NAPG: variants seen among roughly 807,000 people sequenced by gnomAD.
NAPG encodes gamma-soluble NSF attachment protein.
NAPG carries 25 observed loss-of-function variants against 48.4 expected under a neutral mutation model. The ratio of observed to expected loss-of-function variants is 0.52; its 90% CI spans 0.38 to 0.72. The LOEUF is 0.72. Ranked by LOEUF, NAPG falls within the 30% of genes least tolerant of loss-of-function variation. The pLI is 0.00. For missense variants in NAPG, 359 were observed against 372.5 expected (o/e 0.96, Z 0.30); for synonymous variants, 139 against 127.2 (o/e 1.09, Z -0.62).
In NAPG at chr18:10,543,771, T is replaced by C. The variant is rs1327605288; in HGVS notation, c.507-2555T>C. Among the ~76,000 whole-genome samples the C allele has an allele frequency of 6.6e-6, 1 of 152,246 alleles. No homozygotes were observed. The highest frequency in any genetic ancestry group is 2.4e-5 in the African/African-American group (1 of 41,468). ...TCATTTTGTTAGGAATATTAAGTAT[T>C]ACCTGATGGAAAAGTTGAAAGCATC... On this transcript the variant is annotated intron_variant, in intron 8 of 11. Transcript: ENST00000322897. This position sits in a 1 kb window ranked among gnomAD's most constrained non-coding sequence, Gnocchi z 4.4.
At chr18:10,547,190 C>A (rs2032286845) in intron 9 of NAPG, among the ~76,000 whole-genome samples, 1 of 152,204 alleles carries the variant, frequency 6.6e-6, no homozygotes, top group Admixed American at 6.5e-5. Flanking sequence ...ATGGAACAGG[C>A]CCAAAGCCAC....
At position 10,548,593 on chromosome 18, in the gene NAPG, A is replaced by T. The variant is rs1352617346; in HGVS notation, c.665+215A>T. On this transcript the variant is annotated intron_variant, in intron 10 of 11. Transcript: ENST00000322897. This position sits in a 1 kb window ranked among gnomAD's most constrained non-coding sequence, Gnocchi z 4.4. ...TCTCTAGGGGACCTCCATGGAAGTG[A>T]ATGACTTTAGTCATTTTAGTCATTT... Among the ~76,000 whole-genome samples, 3 of 151,316 alleles carry T rather than the reference A, an allele frequency of 2.0e-5. No homozygotes were observed. The highest frequency in any genetic ancestry group is 2.0e-4 in the Admixed American group (3 of 15,180).
Position 10,546,916 on chromosome 18 carries a change from G to A in NAPG, c.585+512G>A, listed in dbSNP as rs1393671810. 6.6e-6 allele frequency among the ~76,000 whole-genome samples: 1 copy of A among 152,188 alleles called. No individual in the cohort carries two copies. Among genetic ancestry groups the A allele is most frequent in the African/African-American group, 2.4e-5 (1 of 41,454 alleles). ...AGGCATGGAGCTACACTGTGATGAT[G>A]GCTCAGGTTGATAAAACTCCACAAG... On this transcript the variant is annotated intron_variant, in intron 9 of 11. Transcript: ENST00000322897. The surrounding 1 kb of genome is among the most constrained non-coding windows in gnomAD (Gnocchi z 4.0).
At position 10,530,763 on chromosome 18, in the gene NAPG, A is replaced by G; in HGVS notation, c.57-7A>G. ...AACTCCTGTTAACTGTGTTTTTTTCATTCTAGCCTGAAAACTGGTTTTTTA... is the reference window on the plus strand; with the variant it reads ...AACTCCTGTTAACTGTGTTTTTTTCGTTCTAGCCTGAAAACTGGTTTTTTA... On this transcript the variant is annotated splice_polypyrimidine_tract_variant and splice_region_variant and intron_variant, in intron 1 of 11. Coordinates refer to ENST00000322897, the MANE Select transcript of NAPG (RefSeq NM_003826.3). The G allele has an allele frequency of 2.6e-6, 4 of 1,548,084 alleles. No individual in the cohort carries two copies. Among genetic ancestry groups the G allele is most frequent in the Non-Finnish European group, 3.5e-6 (4 of 1,146,878 alleles).
chr18:10,533,892 G>A (rs1453888686), intron 4 of NAPG, among the ~76,000 whole-genome samples: 1 of 152,156 alleles, frequency 6.6e-6, no homozygotes, highest in Non-Finnish European at 1.5e-5. Context: ...GCCTTGTGGA[G>A]AGTAGTTATT....
chr18:10,539,653 C>A lies in NAPG; in HGVS notation c.259-109C>A. On this transcript the variant is annotated intron_variant, in intron 5 of 11. Coordinates refer to ENST00000322897, the MANE Select transcript of NAPG (RefSeq NM_003826.3). This position sits in a 1 kb window ranked among gnomAD's most constrained non-coding sequence, Gnocchi z 4.7. ...ATGTAACAAACCTGCACATTCTGCA[C>A]ATGTGTCCCAGAACTTAAAATAAAA... 1.1e-6 allele frequency: 1 copy of A among 870,564 alleles called. No homozygotes were observed. Among genetic ancestry groups the A allele is most frequent in the Non-Finnish European group, 1.8e-6 (1 of 545,348 alleles). The allele number at this position is 870,564 out of a possible 1,614,324, so 53.9% of individuals were successfully genotyped here.
rs959802075 is a variant in NAPG, at chr18:10,539,392, G to T, written c.259-370G>T. 20 of 192,350 alleles carry T rather than the reference G, an allele frequency of 1.0e-4. No homozygotes were observed. The highest frequency in any genetic ancestry group is 6.5e-5 in the Non-Finnish European group (6 of 92,298). 11.9% of individuals were successfully genotyped at this position (192,350 alleles called of 1,614,324 possible). ...ATGAAGCTGGAAGCCATCATTCTTGGCAAACTAACAAACACAGGAACAGAA... is the reference window on the plus strand; with the variant it reads ...ATGAAGCTGGAAGCCATCATTCTTGTCAAACTAACAAACACAGGAACAGAA... On this transcript the variant is annotated intron_variant, in intron 5 of 11. Transcript: ENST00000322897. This position sits in a 1 kb window ranked among gnomAD's most constrained non-coding sequence, Gnocchi z 4.7.
intron 4 of NAPG, among the ~76,000 whole-genome samples, 156 bp downstream of exon 4, chr18:10,533,709 C>G (rs1456407742): frequency 6.6e-6 from 1 of 152,088 alleles, no homozygotes; most frequent in East Asian, 1.9e-4. Flanking sequence ...ACCTTAAAAA[C>G]CAAGACTTAC....
chr18:10,551,962 AT>A lies in NAPG; in HGVS notation c.*1744del, dbSNP rs1474430631. 1.3e-5 allele frequency: 2 copies of A among 152,218 alleles called. No homozygotes were observed. Among genetic ancestry groups the A allele is most frequent in the East Asian group, 3.9e-4 (2 of 5,190 alleles). 9.4% of individuals were successfully genotyped at this position (152,218 alleles called of 1,614,324 possible). On this transcript the variant is annotated 3_prime_UTR_variant, in exon 12 of 12. Transcript: ENST00000322897. Reference sequence around the variant, plus strand: ...TATGTAGACATTTGCATTTAAGGACATTGCAGTGTTTCAAAGATCCCATCAT... The same window carrying A: ...TATGTAGACATTTGCATTTAAGGACATGCAGTGTTTCAAAGATCCCATCAT...
chr18:10,544,227 A>C lies in NAPG; in HGVS notation c.507-2099A>C, dbSNP rs1291202309. ...TTTTATTTCTGCATAGCAGATTGCT[A>C]CAAACTTAGCAGCTTAAAACAGTAC... On this transcript the variant is annotated intron_variant, in intron 8 of 11. Transcript: ENST00000322897. This position sits in a 1 kb window ranked among gnomAD's most constrained non-coding sequence, Gnocchi z 5.1. Among the ~76,000 whole-genome samples, 1 of 152,210 alleles carries C rather than the reference A, an allele frequency of 6.6e-6. No individual in the cohort carries two copies. Among genetic ancestry groups the C allele is most frequent in the Admixed American group, 6.5e-5 (1 of 15,282 alleles).
Position 10,539,612 on chromosome 18 carries a change from T to C in NAPG, c.259-150T>C. On this transcript the variant is annotated intron_variant, in intron 5 of 11. Transcript: ENST00000322897. The surrounding 1 kb of genome is among the most constrained non-coding windows in gnomAD (Gnocchi z 4.7). The stretch of plus-strand genomic sequence containing the variant: ...GGTTGATAGGTATAGCAAACCACCA[T>C]GGGACATGTATACCTATGTAACAAA... 1 of 649,670 alleles carries C rather than the reference T, an allele frequency of 1.5e-6. No homozygotes were observed. Among genetic ancestry groups the C allele is most frequent in the East Asian group, 2.8e-5 (1 of 36,180 alleles). 40.2% of individuals were successfully genotyped at this position (649,670 alleles called of 1,614,324 possible).
Position 10,550,672 on chromosome 18 carries a change from G to A in NAPG, c.*452G>A, listed in dbSNP as rs1281357924. 1 of 154,408 alleles carries A rather than the reference G, an allele frequency of 6.5e-6. No homozygotes were observed. Among genetic ancestry groups the A allele is most frequent in the Non-Finnish European group, 1.4e-5 (1 of 69,678 alleles). 9.6% of individuals were successfully genotyped at this position (154,408 alleles called of 1,614,324 possible). On this transcript the variant is annotated 3_prime_UTR_variant, in exon 12 of 12. Coordinates refer to ENST00000322897, the MANE Select transcript of NAPG (RefSeq NM_003826.3). ...TTTTAAAATTTTTTTGTTTTGAAAA[G>A]TAAATTTATCCCCCATGATGTTAGA...
chr18:10,535,079 A>G (rs1410539306), intron 5 of NAPG, among the ~76,000 whole-genome samples: 1 of 152,262 alleles, frequency 6.6e-6, no homozygotes, highest in Non-Finnish European at 1.5e-5. Context: ...CTTTCAAAGT[A>G]TGCCAGCTGG....
intron 3 of NAPG, chr18:10,533,012 T>A: frequency 2.3e-6 from 1 of 436,500 alleles, no homozygotes; most frequent in Non-Finnish European, 4.1e-6. Context: ...ATACTTACTT[T>A]CTATTGTTTG....
At position 10,550,270 on chromosome 18, in the gene NAPG, GCCATTT is replaced by G; in HGVS notation, c.*52_*57del. 6.5e-7 allele frequency: 1 copy of G among 1,538,614 alleles called. No individual in the cohort carries two copies. Among genetic ancestry groups the G allele is most frequent in the Non-Finnish European group, 8.7e-7 (1 of 1,146,460 alleles). ...GGAAACAAAGGTAAAATCCTGACAT[GCCATTT>G]CAAGGACTTGGGAATAGATTAGGGA... On this transcript the variant is annotated 3_prime_UTR_variant, in exon 12 of 12. Transcript: ENST00000322897.
At chr18:10,527,439 C>T (rs946960575) in intron 1 of NAPG, among the ~76,000 whole-genome samples, 4 of 152,130 alleles carry the variant, frequency 2.6e-5, no homozygotes, top group Admixed American at 1.3e-4. Context: ...AGGCAGTCAG[C>T]GTGTAAGGTG....
In NAPG at chr18:10,534,139, T is replaced by A. The variant is rs1277693681; in HGVS notation, c.228-327T>A. Among the ~76,000 whole-genome samples, 1 of 152,120 alleles carries A rather than the reference T, an allele frequency of 6.6e-6. No individual in the cohort carries two copies. The highest frequency in any genetic ancestry group is 1.5e-5 in the Non-Finnish European group (1 of 68,010). On this transcript the variant is annotated intron_variant, in intron 4 of 11. Coordinates refer to ENST00000322897, the MANE Select transcript of NAPG (RefSeq NM_003826.3). The surrounding 1 kb of genome is among the most constrained non-coding windows in gnomAD (Gnocchi z 5.0). ...TCCAGCCTGGGCGACACAGCAAGGC[T>A]CCATCCCAAAAACAAACAAACAAAC...
chr18:10,549,161 T>G (rs2032332422), intron 11 of NAPG, 65 bp downstream of exon 11: 1 of 1,539,832 alleles, frequency 6.5e-7, no homozygotes, highest in Admixed American at 1.9e-5. Flanking sequence ...CTAGTGAGAT[T>G]ATTTTTTACC....
intron 3 of NAPG, chr18:10,533,001 A>G (rs2031961062): frequency 2.2e-6 from 1 of 464,328 alleles, no homozygotes; most frequent in Non-Finnish European, 3.8e-6. Flanking sequence ...GCAGAGCTAC[A>G]ATACTTACTT....
Sources: gnomAD v4.1 joint callset for allele counts (sites outside exome capture counted in the v4.1 genomes callset) on GRCh38, gnomAD v4.1.1 for gene constraint, Gnocchi (gnomAD v3.1) non-coding constraint, MANE v1.5 for transcripts, NCBI Gene and HGNC (gene_info 2026-07-23, HGNC 2026-07-21) for gene names.